STAC: variants seen among roughly 807,000 people sequenced by gnomAD.
The protein encoded by STAC is SH3 and cysteine rich domain.
STAC carries 43 observed loss-of-function variants against 48.8 expected under a neutral mutation model. The ratio of observed to expected loss-of-function variants is 0.88; its 90% CI spans 0.69 to 1.14. The LOEUF (loss-of-function observed/expected upper bound fraction) is 1.14. Ranked by LOEUF, STAC falls within the 50% of genes most tolerant of loss-of-function variation. The pLI is 0.00. For synonymous variants in STAC, 193 were observed against 179.5 expected (o/e 1.07, Z -0.60); for missense variants, 497 against 504.0 (o/e 0.99, Z 0.13).
At chr3:36,417,769 T>C (rs1700353185) in intron 1 of STAC, among the ~76,000 whole-genome samples, 2 of 152,210 alleles carry the variant, frequency 1.3e-5, no homozygotes, top group South Asian at 2.1e-4. Flanking sequence ...TTATGTATTA[T>C]AGAATTTATG....
At chr3:36,479,260 C>A (rs1697579340) in intron 2 of STAC, among the ~76,000 whole-genome samples, 1 of 151,578 alleles carries the variant, frequency 6.6e-6, no homozygotes, top group South Asian at 2.1e-4. Context: ...GGTTGCAAAT[C>A]TTTTTTTTTC....
At chr3:36,474,059 C>A (rs1216938050) in intron 2 of STAC, among the ~76,000 whole-genome samples, 1 of 152,106 alleles carries the variant, frequency 6.6e-6, no homozygotes, top group East Asian at 1.9e-4. Context: ...CGTGTGCATG[C>A]TACATATTTT....
At chr3:36,392,366 G>T (rs1699768333) in intron 1 of STAC, among the ~76,000 whole-genome samples, 2 of 151,776 alleles carry the variant, frequency 1.3e-5, no homozygotes, top group African/African-American at 4.8e-5. Context: ...TTGAGACAGG[G>T]TCTTACTGTG....
chr3:36,524,990 G>A (rs1698898237), intron 8 of STAC, among the ~76,000 whole-genome samples: 1 of 152,134 alleles, frequency 6.6e-6, no homozygotes, highest in Non-Finnish European at 1.5e-5. Flanking sequence ...TTCCCTCATA[G>A]TCCTTATGCC....
chr3:36,439,572 T>C (rs1262772879), intron 1 of STAC, among the ~76,000 whole-genome samples: 1 of 152,214 alleles, frequency 6.6e-6, no homozygotes, highest in East Asian at 1.9e-4. Context: ...TGACAAAACC[T>C]TGGCAGATTC....
intron 1 of STAC, among the ~76,000 whole-genome samples, chr3:36,418,566 G>A (rs985418354): frequency 1.3e-5 from 2 of 151,686 alleles, no homozygotes; most frequent in African/African-American, 4.8e-5. Flanking sequence ...TGTTTCCTAG[G>A]CACTTGAAAA....
At chr3:36,436,851 G>C in intron 1 of STAC, among the ~76,000 whole-genome samples, 1 of 151,910 alleles carries the variant, frequency 6.6e-6, no homozygotes, top group East Asian at 1.9e-4. Context: ...CTACAAAATG[G>C]AAGAAAATTT....
rs547860404 is a variant in STAC at position 36,440,799 on chromosome 3, G to A, written c.112-2565G>A. Among the ~76,000 whole-genome samples, 9 of 152,266 alleles carry A rather than the reference G, an allele frequency of 5.9e-5. No individual in the cohort carries two copies. In the East Asian group the frequency reaches 1.5e-3, roughly 26 times the overall value. On this transcript the variant is annotated intron_variant, in intron 1 of 10. Transcript: ENST00000273183. ...CCTGGACTTTTGAAGTGGAACTTAG[G>A]GGGTTAAGACAGAGGTGGCTGGGCT...
chr3:36,503,458 TCTCA>T (rs1324942520), intron 6 of STAC, among the ~76,000 whole-genome samples: 1 of 152,070 alleles, frequency 6.6e-6, no homozygotes, highest in African/African-American at 2.4e-5. Flanking sequence ...TTAGATGGAG[TCTCA>T]CTCTATCACC....
chr3:36,524,371 A>T (rs1479405074), intron 8 of STAC, among the ~76,000 whole-genome samples: 1 of 152,152 alleles, frequency 6.6e-6, no homozygotes, highest in African/African-American at 2.4e-5. Context: ...AGGCAGGCAG[A>T]TCATGAGGTC....
At chr3:36,499,564 A>C (rs1698232813) in intron 6 of STAC, among the ~76,000 whole-genome samples, 1 of 152,154 alleles carries the variant, frequency 6.6e-6, no homozygotes, top group Admixed American at 6.5e-5. Flanking sequence ...AAATAGAAGA[A>C]AAAGCATAGA....
intron 2 of STAC, among the ~76,000 whole-genome samples, chr3:36,469,450 A>C (rs542290459): frequency 3.3e-4 from 50 of 152,324 alleles, no homozygotes; most frequent in African/African-American, 1.2e-3. Context: ...GGGCTGAGAA[A>C]TCTGCTGTTA....
chr3:36,456,089 G>T (rs896294146), intron 2 of STAC, among the ~76,000 whole-genome samples: 2 of 149,198 alleles, frequency 1.3e-5, no homozygotes, highest in Admixed American at 6.7e-5. Context: ...ACACACTCCT[G>T]CCTCCAGTCA....
chr3:36,429,672 C>T (rs757043310), intron 1 of STAC, among the ~76,000 whole-genome samples: 13 of 152,208 alleles, frequency 8.5e-5, no homozygotes, highest in Non-Finnish European at 1.5e-4. Context: ...TATGTGCCCC[C>T]ACTTCTCCTT....
Position 36,380,885 on chromosome 3 carries a change from C to T in STAC, c.111+131C>T, listed in dbSNP as rs1699495085. 6 of 686,416 alleles carry T rather than the reference C, an allele frequency of 8.7e-6. No individual in the cohort carries two copies. The South Asian group carries it at 9.9e-5, about 11-fold the overall frequency. The allele number at this position is 686,416 out of a possible 1,614,324, so 42.5% of individuals were successfully genotyped here. The stretch of plus-strand genomic sequence containing the variant: ...TGCTAGTTAGCCCAGGGCTGTAGGA[C>T]TTGAACGTCCGGTAGGACCCGCTGC... On this transcript the variant is annotated intron_variant, in intron 1 of 10. Transcript: ENST00000273183.
chr3:36,504,515 G>T, intron 7 of STAC, 58 bp downstream of exon 7: 8 of 1,499,312 alleles, frequency 5.3e-6, no homozygotes, highest in Non-Finnish European at 7.4e-6. Flanking sequence ...AGACCTGCAG[G>T]TCACCATCCA....
At chr3:36,398,365 A>AAGAAAGAAAGAAAG (rs751501265) in intron 1 of STAC, among the ~76,000 whole-genome samples, 7 of 141,792 alleles carry the variant, frequency 4.9e-5, no homozygotes, top group Non-Finnish European at 7.7e-5. Context: ...GAAAGAAAGA[A>AAGAAAGAAAGAAAG]AGAAAAGAAA....
intron 2 of STAC, among the ~76,000 whole-genome samples, chr3:36,445,260 A>C (rs1696475625): frequency 6.6e-6 from 1 of 152,220 alleles, no homozygotes; most frequent in Non-Finnish European, 1.5e-5. Context: ...CACTAAAAAA[A>C]ATGTCCTATG....
chr3:36,489,596 A>G (rs910444025), intron 5 of STAC, among the ~76,000 whole-genome samples: 2 of 152,162 alleles, frequency 1.3e-5, no homozygotes, highest in African/African-American at 2.4e-5. Flanking sequence ...TCACTTTCCC[A>G]GTCCTCTCCT....
Sources: allele counts gnomAD v4.1 joint callset (sites outside exome capture counted in the v4.1 genomes callset), GRCh38; gene constraint gnomAD v4.1.1; transcripts MANE v1.5; gene names NCBI Gene and HGNC (gene_info 2026-07-23, HGNC 2026-07-21).